OPRM1: variants seen among roughly 807,000 people sequenced by gnomAD.
The protein encoded by OPRM1 is mu-type opioid receptor.
OPRM1 carries 27 observed loss-of-function variants against 31.8 expected under a neutral mutation model. The observed-to-expected ratio is 0.85, with a 90% CI of 0.63 to 1.17. OPRM1 has a LOEUF of 1.17. OPRM1 is among the 50% of genes most tolerant of loss of function. The pLI is 0.00. For synonymous variants in OPRM1, 196 were observed against 189.9 expected, an observed-to-expected ratio of 1.03 and a Z score of -0.26; for missense variants, 536 against 511.1, an observed-to-expected ratio of 1.05 and a Z score of -0.47.
rs1795672824 is a variant in OPRM1, at chr6:154,106,992, T to C, written c.1165-11691T>C. Among the ~76,000 whole-genome samples, 3 of 152,342 alleles carry C rather than the reference T, an allele frequency of 2.0e-5. No homozygotes were observed. In the East Asian group the frequency reaches 5.8e-4, roughly 29 times the overall value. On this transcript the variant is annotated intron_variant, in intron 3 of 3. Transcript: ENST00000330432. The stretch of plus-strand genomic sequence containing the variant: ...ATGTGAACAAAGAGGCATAAAATAT[T>C]CTATTTTTCTGCTGAAATACTTCAT...
chr6:154,106,693 C>A (rs898371107), intron 3 of OPRM1, among the ~76,000 whole-genome samples: 1 of 152,100 alleles, frequency 6.6e-6, no homozygotes, highest in Non-Finnish European at 1.5e-5. Context: ...CATACAGGAT[C>A]CTTTTTTATA....
intron 3 of OPRM1, among the ~76,000 whole-genome samples, chr6:154,231,565 C>T (rs527310467): frequency 4.9e-4 from 74 of 152,322 alleles, no homozygotes; most frequent in South Asian, 1.0e-3. Flanking sequence ...CCATACAACG[C>T]GTAGAGCAAT....
intron 3 of OPRM1, among the ~76,000 whole-genome samples, chr6:154,219,985 A>AGTGTGTGTGTGTGTGTGTGTGT (rs57450665): frequency 8.6e-5 from 12 of 140,138 alleles, no homozygotes; most frequent in Middle Eastern, 3.6e-3. Context: ...ACCTGTAAGG[A>AGTGTGTGTGTGTGTGTGTGTGT]GTGTGTGTGT....
At position 154,124,858 on chromosome 6, in the gene OPRM1, G is replaced by A. The variant is rs1372163607; in HGVS notation, c.*6137G>A. On this transcript the variant is annotated 3_prime_UTR_variant, in exon 4 of 4. Coordinates refer to ENST00000330432, the MANE Select transcript of OPRM1 (RefSeq NM_000914.5). ...TGCCAACACACCTTGCTGCTACTTA[G>A]AGAAAGTAGTTCACCTCACTACCTT... 2.0e-5 allele frequency among the ~76,000 whole-genome samples: 3 copies of A among 152,184 alleles called. No homozygotes were observed. Among genetic ancestry groups the A allele is most frequent in the African/African-American group, 7.2e-5 (3 of 41,450 alleles).
intron 3 of OPRM1, among the ~76,000 whole-genome samples, chr6:154,100,065 CATGATAT>C (rs1794420584): frequency 7.7e-6 from 1 of 129,412 alleles, no homozygotes; most frequent in Non-Finnish European, 1.6e-5. Context: ...TGATATATAT[CATGATAT>C]ATATCATATT....
chr6:154,117,858 G>GTGTGT (rs141088671), intron 3 of OPRM1, among the ~76,000 whole-genome samples: 1 of 145,562 alleles, frequency 6.9e-6, no homozygotes, highest in African/African-American at 2.5e-5. Flanking sequence ...TTAAAAAGAT[G>GTGTGT]GTGTGTGTGT....
chr6:154,087,343 C>T (rs1790831300), intron 1 of OPRM1: 1 of 985,334 alleles, frequency 1.0e-6, no homozygotes, highest in African/African-American at 1.7e-5. Flanking sequence ...CAAAGGGCCT[C>T]CAACCAACAG....
At chr6:154,178,239 G>T (rs1800527027) in intron 3 of OPRM1, among the ~76,000 whole-genome samples, 1 of 152,082 alleles carries the variant, frequency 6.6e-6, no homozygotes, top group South Asian at 2.1e-4. Context: ...GTATACCTAT[G>T]TAACAAACCT....
intron 3 of OPRM1, among the ~76,000 whole-genome samples, chr6:154,139,760 T>C (rs1257987964): frequency 2.0e-5 from 3 of 152,146 alleles, no homozygotes; most frequent in African/African-American, 7.2e-5. Context: ...CCCTGGTAAG[T>C]GTAGGCAGCC....
intron 3 of OPRM1, among the ~76,000 whole-genome samples, chr6:154,105,963 T>G (rs751272708): frequency 6.6e-6 from 1 of 152,238 alleles, no homozygotes; most frequent in African/African-American, 2.4e-5. Flanking sequence ...CATTTTTTTG[T>G]GTAAGAGCAG....
At position 154,125,895 on chromosome 6, in the gene OPRM1, C is replaced by T. The variant is rs1279077653; in HGVS notation, c.*7174C>T. Among the ~76,000 whole-genome samples, 2 of 7,648 alleles carry T rather than the reference C, an allele frequency of 2.6e-4. 1 individual carries two copies. The highest frequency in any genetic ancestry group is 4.0e-4 in the African/African-American group (2 of 5,018). 5.0% of individuals were successfully genotyped at this position (7,648 alleles called of 152,430 possible). ...TCGGCTCACTGCAAGCTCCGCCTCC[C>T]GGGTTCACGCCATTCTCCTGCCTCA... On this transcript the variant is annotated 3_prime_UTR_variant, in exon 4 of 4. Coordinates refer to ENST00000330432, the MANE Select transcript of OPRM1 (RefSeq NM_000914.5).
intron 3 of OPRM1, among the ~76,000 whole-genome samples, chr6:154,235,540 A>AT (rs1461147342): frequency 1.3e-5 from 2 of 149,486 alleles, no homozygotes; most frequent in East Asian, 5.0e-4. Context: ...ACAAAAAAAA[A>AT]AAAAAAAAAA....
intron 3 of OPRM1, among the ~76,000 whole-genome samples, chr6:154,211,159 G>A (rs914011575): frequency 2.6e-5 from 4 of 152,134 alleles, no homozygotes; most frequent in African/African-American, 9.7e-5. Context: ...GCTCACGCTT[G>A]TAATCCCAGC....
chr6:154,056,391 G>T (rs889868939), intron 1 of OPRM1, among the ~76,000 whole-genome samples: 1 of 151,686 alleles, frequency 6.6e-6, no homozygotes, highest in Non-Finnish European at 1.5e-5. Flanking sequence ...CAAAGTGCTG[G>T]GATTACAGGC....
chr6:154,125,071 G>T lies in OPRM1; in HGVS notation c.*6350G>T, dbSNP rs1249761760. On this transcript the variant is annotated 3_prime_UTR_variant, in exon 4 of 4. Coordinates refer to ENST00000330432, the MANE Select transcript of OPRM1 (RefSeq NM_000914.5). Reference sequence around the variant, plus strand: ...TGTATTTCAGGAAAACTTCTGTCCTGTGGGAGCAATACAAAACTATACCAG... The same window carrying T: ...TGTATTTCAGGAAAACTTCTGTCCTTTGGGAGCAATACAAAACTATACCAG... 6.6e-6 allele frequency among the ~76,000 whole-genome samples: 1 copy of T among 152,178 alleles called. No individual in the cohort carries two copies. Among genetic ancestry groups the T allele is most frequent in the Non-Finnish European group, 1.5e-5 (1 of 68,026 alleles).
At chr6:154,088,263 C>T (rs1325354827) in intron 1 of OPRM1, among the ~76,000 whole-genome samples, 5 of 152,088 alleles carry the variant, frequency 3.3e-5, no homozygotes. Flanking sequence ...GAAATGCAAA[C>T]TAATCTATAA....
chr6:154,033,803 ACTCTT>A (rs1779140519), intron 1 of OPRM1, among the ~76,000 whole-genome samples: 1 of 152,076 alleles, frequency 6.6e-6, no homozygotes, highest in African/African-American at 2.4e-5. Flanking sequence ...GGTCTCTAAG[ACTCTT>A]TCCATGGATC....
intron 1 of OPRM1, among the ~76,000 whole-genome samples, chr6:154,075,696 C>T (rs1352402494): frequency 6.6e-6 from 1 of 152,114 alleles, no homozygotes; most frequent in Non-Finnish European, 1.5e-5. Flanking sequence ...AAGTGATCCA[C>T]CCACTTCAGC....
intron 1 of OPRM1, among the ~76,000 whole-genome samples, chr6:154,072,227 A>T (rs555879443): frequency 1.9e-4 from 29 of 152,222 alleles, no homozygotes; most frequent in Non-Finnish European, 4.0e-4. Context: ...AATTAAACAA[A>T]TATATAAATG....
Sources: gnomAD v4.1 joint callset for allele counts (sites outside exome capture counted in the v4.1 genomes callset) on GRCh38, gnomAD v4.1.1 for gene constraint, MANE v1.5 for transcripts, NCBI Gene and HGNC (gene_info 2026-07-23, HGNC 2026-07-21) for gene names.